EIF4G3: variants seen among roughly 807,000 people sequenced by gnomAD.
EIF4G3 encodes eukaryotic translation initiation factor 4 gamma 3, also known as eIF-4-gamma 3.
In EIF4G3, 34 loss-of-function variants were observed where a neutral mutation model predicts 186.4. The observed-to-expected ratio is 0.18, with a 90% CI of 0.14 to 0.24. The LOEUF is 0.24. Ranked by LOEUF, EIF4G3 falls within the 10% of genes least tolerant of loss-of-function variation. The probability of loss-of-function intolerance (pLI) is 1.00; values close to 1 mark genes in which losing one functional copy is unlikely to be tolerated. For missense variants in EIF4G3, 1,536 were observed against 1,948.5 expected (o/e 0.79, Z 3.99); for synonymous variants, 673 against 679.5 (o/e 0.99, Z 0.15).
chr1:20,867,646 A>G (rs2077888236), intron 20 of EIF4G3, among the ~76,000 whole-genome samples: 1 of 152,242 alleles, frequency 6.6e-6, no homozygotes, highest in African/African-American at 2.4e-5. Flanking sequence ...GGCTATATTA[A>G]ACACTTCATT....
chr1:20,980,566 C>A (rs1047703253), intron 9 of EIF4G3, 118 bp from the exon 10 acceptor site: 3 of 675,734 alleles, frequency 4.4e-6, no homozygotes, highest in Middle Eastern at 4.3e-4. Context: ...GTAAGAGAAT[C>A]ATTTAAATGA....
intron 30 of EIF4G3, among the ~76,000 whole-genome samples, chr1:20,831,540 C>CTTTTT (rs560510994): frequency 1.5e-5 from 2 of 132,230 alleles, no homozygotes; most frequent in African/African-American, 5.5e-5. Context: ...TTGCATTTTT[C>CTTTTT]TTTTTTTTTT....
chr1:21,018,661 G>T (rs1308262200), intron 4 of EIF4G3, among the ~76,000 whole-genome samples: 1 of 152,146 alleles, frequency 6.6e-6, no homozygotes. Flanking sequence ...GAGTCTAATG[G>T]GAAGTGTTTG....
intron 2 of EIF4G3, among the ~76,000 whole-genome samples, chr1:21,116,908 TA>T (rs2096835272): frequency 1.3e-5 from 2 of 152,016 alleles, no homozygotes; most frequent in Admixed American, 1.3e-4. Flanking sequence ...ATATTATTTT[TA>T]TAATTTTCCA....
intron 19 of EIF4G3, among the ~76,000 whole-genome samples, chr1:20,882,915 C>A (rs1394468056): frequency 6.6e-6 from 1 of 151,558 alleles, no homozygotes. Context: ...AGAATGAGAC[C>A]TGGTCTCTAC....
rs898643559 is a variant in EIF4G3, at chr1:20,938,549, C to G, written c.1663+2942G>C. Among the ~76,000 whole-genome samples, 5 of 152,292 alleles carry G rather than the reference C, an allele frequency of 3.3e-5. No homozygotes were observed. In the East Asian group the frequency reaches 9.6e-4, roughly 29 times the overall value. On this transcript the variant is annotated intron_variant, in intron 14 of 36. Transcript: ENST00000602326. ...CCAAAAGACTCATAGGCAAACCAGACTGTTTTGGTGTTACAATTTATTAAC... is the reference window on the plus strand; with the variant it reads ...CCAAAAGACTCATAGGCAAACCAGAGTGTTTTGGTGTTACAATTTATTAAC...
intron 2 of EIF4G3, among the ~76,000 whole-genome samples, chr1:21,099,191 T>C (rs1209428167): frequency 6.6e-6 from 1 of 152,198 alleles, no homozygotes; most frequent in Non-Finnish European, 1.5e-5. Context: ...ATAGTCACTT[T>C]GGAAAGCAGT....
intron 12 of EIF4G3, among the ~76,000 whole-genome samples, chr1:20,951,822 G>C (rs2096235434): frequency 6.6e-6 from 1 of 152,046 alleles, no homozygotes; most frequent in Non-Finnish European, 1.5e-5. Context: ...AGATGTTTAA[G>C]ACAGTAAAAG....
intron 7 of EIF4G3, among the ~76,000 whole-genome samples, chr1:20,984,106 T>C (rs1482252075): frequency 6.6e-6 from 1 of 152,142 alleles, no homozygotes; most frequent in African/African-American, 2.4e-5. Context: ...TTCCTAATAT[T>C]AACATATAGC....
intron 4 of EIF4G3, among the ~76,000 whole-genome samples, chr1:21,040,027 G>A (rs1004295010): frequency 6.6e-6 from 1 of 152,118 alleles, no homozygotes; most frequent in Non-Finnish European, 1.5e-5. Flanking sequence ...TACATATTTG[G>A]TCTTCATCCT....
At chr1:21,118,012 T>A (rs984700225) in intron 2 of EIF4G3, among the ~76,000 whole-genome samples, 3 of 152,210 alleles carry the variant, frequency 2.0e-5, no homozygotes, top group African/African-American at 7.2e-5. Context: ...TGCAAACTAG[T>A]TCACTGAGAA....
intron 2 of EIF4G3, among the ~76,000 whole-genome samples, chr1:21,164,289 A>G (rs2097819331): frequency 6.6e-6 from 1 of 152,220 alleles, no homozygotes; most frequent in Non-Finnish European, 1.5e-5. Flanking sequence ...CCTAATAGTA[A>G]TTTATCTTAA....
intron 34 of EIF4G3, among the ~76,000 whole-genome samples, chr1:20,815,661 A>G (rs1466663847): frequency 4.4e-5 from 6 of 134,968 alleles, no homozygotes; most frequent in African/African-American, 1.4e-4. Context: ...GGGGGGGGTC[A>G]GCCCCCCGCC....
intron 2 of EIF4G3, among the ~76,000 whole-genome samples, chr1:21,113,718 C>G (rs1221314766): frequency 6.6e-6 from 1 of 152,048 alleles, no homozygotes; most frequent in Non-Finnish European, 1.5e-5. Flanking sequence ...TGTACAGTAT[C>G]AAAAATCTTA....
intron 30 of EIF4G3, among the ~76,000 whole-genome samples, chr1:20,831,151 C>T (rs2065052930): frequency 6.6e-6 from 1 of 152,128 alleles, no homozygotes; most frequent in South Asian, 2.1e-4. Flanking sequence ...GTAAGGTCTA[C>T]ATAGATGAGA....
At chr1:20,851,185 GCA>G (rs761810302) in intron 28 of EIF4G3, 71 bp downstream of exon 28, 11 of 1,392,506 alleles carry the variant, frequency 7.9e-6, no homozygotes, top group East Asian at 4.6e-5. Flanking sequence ...ATCTACTCAG[GCA>G]CAGTCTCTTT....
chr1:21,090,376 T>C (rs1054423071), intron 2 of EIF4G3, among the ~76,000 whole-genome samples: 7 of 152,154 alleles, frequency 4.6e-5, no homozygotes, highest in Non-Finnish European at 7.3e-5. Flanking sequence ...GCAAATACAC[T>C]TGCAAAGACT....
Position 20,827,627 on chromosome 1 carries a change from C to T in EIF4G3, c.4259G>A (p.Cys1420Tyr). 2.5e-6 allele frequency: 4 copies of T among 1,605,686 alleles called. No homozygotes were observed. The highest frequency in any genetic ancestry group is 3.4e-6 in the Non-Finnish European group (4 of 1,172,892). The change falls in exon 32 of 37, where the codon TGC becomes TAC. Residue 1420 changes from cysteine (C) to tyrosine (Y), a missense_variant. By Grantham distance (194) the Cys-to-Tyr change is radical. This residue lies in a region of EIF4G3 where 395 missense variants were observed against 498.9 expected (regional missense o/e 0.79). Coordinates refer to ENST00000602326, the MANE Select transcript of EIF4G3 (RefSeq NM_001391906.1). ...CAGTGTAACACTCACCATTTGTTTG[C>T]ATAGTAGGTGCAATATTTCAGATAG... ...VLLSEILHLLCKQMSHKKVGA... is the reference protein window; with the variant it reads ...VLLSEILHLLYKQMSHKKVGA...
intron 2 of EIF4G3, among the ~76,000 whole-genome samples, chr1:21,098,226 A>G (rs1455247266): frequency 6.6e-6 from 1 of 152,206 alleles, no homozygotes; most frequent in East Asian, 1.9e-4. Context: ...TAAATAAGAT[A>G]AAGGATTTGT....
Sources: gnomAD v4.1 joint callset for allele counts (sites outside exome capture counted in the v4.1 genomes callset) on GRCh38, gnomAD v4.1.1 for gene constraint, gnomAD v4.1.1 regional missense constraint, MANE v1.5 for transcripts, NCBI Gene and HGNC (gene_info 2026-07-23, HGNC 2026-07-21) for gene names.